PRKCB: variants seen among roughly 807,000 people sequenced by gnomAD.
PRKCB encodes protein kinase C beta type.
PRKCB carries 13 observed loss-of-function variants against 81.5 expected under a neutral mutation model. That is an observed-to-expected ratio of 0.16 (90% CI 0.10 to 0.25). The LOEUF (loss-of-function observed/expected upper bound fraction) is 0.25. PRKCB is among the 10% of genes least tolerant of loss of function. The pLI, the probability that PRKCB is intolerant of heterozygous loss-of-function variation, is 1.00. For synonymous variants in PRKCB, 335 were observed against 321.4 expected (o/e 1.04, Z -0.45); for missense variants, 509 against 875.7 (o/e 0.58, Z 5.29).
intron 16 of PRKCB, among the ~76,000 whole-genome samples, chr16:24,193,460 TAAATAAA>T (rs778411587): frequency 2.3e-5 from 2 of 88,468 alleles, no homozygotes; most frequent in African/African-American, 7.4e-5. Context: ...AATAAATAAA[TAAATAAA>T]TAAATAAATA....
intron 2 of PRKCB, among the ~76,000 whole-genome samples, chr16:23,908,648 C>T (rs1963602377): frequency 1.3e-5 from 2 of 152,150 alleles, no homozygotes; most frequent in South Asian, 2.1e-4. Context: ...TCTCCAGCCT[C>T]CCGAGTAGCT....
intron 2 of PRKCB, among the ~76,000 whole-genome samples, chr16:23,882,385 AT>A (rs577218879): frequency 2.7e-5 from 4 of 149,638 alleles, no homozygotes; most frequent in Non-Finnish European, 5.9e-5. Context: ...TGCCCAGTTA[AT>A]TTTTTTTCTT....
chr16:23,898,219 C>T (rs1963412022), intron 2 of PRKCB, among the ~76,000 whole-genome samples: 1 of 152,138 alleles, frequency 6.6e-6, no homozygotes, highest in Admixed American at 6.5e-5. Flanking sequence ...GCGCCCACCA[C>T]CACACCTCGC....
intron 9 of PRKCB, among the ~76,000 whole-genome samples, chr16:24,146,236 A>G (rs1446207714): frequency 6.6e-6 from 1 of 151,990 alleles, no homozygotes; most frequent in Non-Finnish European, 1.5e-5. Flanking sequence ...AGCCTCCAGA[A>G]CTCTGAAATA....
chr16:24,219,708 T>G lies in PRKCB; in HGVS notation c.*4892T>G. 6.5e-6 allele frequency: 8 copies of G among 1,226,012 alleles called. No individual in the cohort carries two copies. In the East Asian group the frequency reaches 1.3e-4, roughly 20 times the overall value. The allele number at this position is 1,226,012 out of a possible 1,614,324, so 75.9% of individuals were successfully genotyped here. On this transcript the variant is annotated 3_prime_UTR_variant, in exon 17 of 17. Coordinates refer to ENST00000643927, the MANE Select transcript of PRKCB (RefSeq NM_002738.7). ...CACACACACACACACACACACCACT[T>G]TATGGCAATTCTTAACTGACATTCA...
At chr16:24,196,357 G>A (rs1008939928) in intron 16 of PRKCB, among the ~76,000 whole-genome samples, 5 of 152,222 alleles carry the variant, frequency 3.3e-5, no homozygotes, top group Admixed American at 2.0e-4. Context: ...AAATAAATTG[G>A]TTGTTGTGTA....
At chr16:23,914,045 C>T (rs1963701862) in intron 2 of PRKCB, among the ~76,000 whole-genome samples, 1 of 152,090 alleles carries the variant, frequency 6.6e-6, no homozygotes, top group Non-Finnish European at 1.5e-5. Context: ...TTGTGTTGCC[C>T]AGGCTGGAGT....
At chr16:23,952,611 G>A (rs1964298650) in intron 2 of PRKCB, among the ~76,000 whole-genome samples, 1 of 152,140 alleles carries the variant, frequency 6.6e-6, no homozygotes, top group Non-Finnish European at 1.5e-5. Flanking sequence ...TTTATCTGTG[G>A]CCACATGCTG....
chr16:24,008,741 A>C (rs1965162021), intron 3 of PRKCB, among the ~76,000 whole-genome samples: 1 of 152,154 alleles, frequency 6.6e-6, no homozygotes, highest in Non-Finnish European at 1.5e-5. Context: ...ACAAAGTTTT[A>C]AGTGTAAAAT....
At chr16:23,930,268 C>T (rs1250932142) in intron 2 of PRKCB, among the ~76,000 whole-genome samples, 3 of 151,970 alleles carry the variant, frequency 2.0e-5, no homozygotes, top group Non-Finnish European at 4.4e-5. Context: ...ATTTTTTTCC[C>T]TACCCAGAAA....
chr16:23,911,501 A>G (rs1963652839), intron 2 of PRKCB, among the ~76,000 whole-genome samples: 2 of 152,034 alleles, frequency 1.3e-5, no homozygotes, highest in Admixed American at 1.3e-4. Context: ...GCCCTATAAG[A>G]GCTCTGTGTT....
At position 24,097,194 on chromosome 16, in the gene PRKCB, G is replaced by A. The variant is rs188278277; in HGVS notation, c.821+2897G>A. 2.9e-3 allele frequency among the ~76,000 whole-genome samples: 437 copies of A among 151,834 alleles called. 2 individuals are homozygous for A. Among genetic ancestry groups the A allele is most frequent in the African/African-American group, 9.6e-3 (396 of 41,404 alleles). On this transcript the variant is annotated intron_variant, in intron 7 of 16. Transcript: ENST00000643927. ...TGGGACTACAGGTGCCCGCCACCAC[G>A]CCCAGCTAATTTTTTGTAATTTTAG... is the stretch of plus-strand genomic sequence containing the variant.
chr16:24,070,526 G>C (rs973981880), intron 5 of PRKCB, among the ~76,000 whole-genome samples: 1 of 152,080 alleles, frequency 6.6e-6, no homozygotes, highest in African/African-American at 2.4e-5. Context: ...AGTATCCCAG[G>C]CACCTAATAG....
At chr16:24,007,071 ATGAC>A (rs1965134176) in intron 3 of PRKCB, among the ~76,000 whole-genome samples, 1 of 152,220 alleles carries the variant, frequency 6.6e-6, no homozygotes, top group South Asian at 2.1e-4. Context: ...TGAAACCAGA[ATGAC>A]TGAGTTTGAA....
At chr16:24,009,266 C>A (rs572598168) in intron 3 of PRKCB, among the ~76,000 whole-genome samples, 4 of 152,064 alleles carry the variant, frequency 2.6e-5, no homozygotes, top group Non-Finnish European at 2.9e-5. Flanking sequence ...TTTTGAGGAA[C>A]CTTCACACGG....
At chr16:23,901,308 C>T (rs1963468261) in intron 2 of PRKCB, among the ~76,000 whole-genome samples, 1 of 152,024 alleles carries the variant, frequency 6.6e-6, no homozygotes, top group South Asian at 2.1e-4. Flanking sequence ...GGGCTGTATC[C>T]TAAGGGTAAG....
At chr16:24,107,860 A>G (rs570311214) in intron 7 of PRKCB, among the ~76,000 whole-genome samples, 3 of 152,264 alleles carry the variant, frequency 2.0e-5, no homozygotes, top group African/African-American at 4.8e-5. Context: ...ATTCCCCTTT[A>G]TCTGTATTTT....
intron 10 of PRKCB, among the ~76,000 whole-genome samples, chr16:24,157,620 G>T (rs1248888230): frequency 6.7e-6 from 1 of 150,076 alleles, no homozygotes; most frequent in African/African-American, 2.5e-5. Context: ...GGACTAATGA[G>T]AATGGACTAA....
Position 23,865,553 on chromosome 16 carries a change from G to A in PRKCB, c.205+28147G>A, listed in dbSNP as rs1343503613. On this transcript the variant is annotated intron_variant, in intron 2 of 16. Transcript: ENST00000643927. ...TGTGTGTGTGTGTGTGTGTGTGTGT[G>A]TGTGTGTGTGTGTGTGTATATGTAT... Among the ~76,000 whole-genome samples, 30 of 61,318 alleles carry A rather than the reference G, an allele frequency of 4.9e-4. 1 individual carries two copies. The East Asian group carries it at 0.012, about 25-fold the overall frequency. The allele number at this position is 61,318 out of a possible 152,430, so 40.2% of individuals were successfully genotyped here.
Sources: allele counts gnomAD v4.1 joint callset (sites outside exome capture counted in the v4.1 genomes callset), GRCh38; gene constraint gnomAD v4.1.1; transcripts MANE v1.5; gene names NCBI Gene and HGNC (gene_info 2026-07-23, HGNC 2026-07-21).